Variants in LRRC7 observed in about 807,000 individuals in gnomAD.
The protein encoded by LRRC7 is leucine-rich repeat-containing protein 7.
A neutral mutation model predicts 175.7 loss-of-function variants in LRRC7; 23 were observed. The ratio of observed to expected loss-of-function variants is 0.13; its 90% CI spans 0.09 to 0.19. The LOEUF (loss-of-function observed/expected upper bound fraction) is 0.19, where lower values mean the gene tolerates loss of function less well. Ranked by LOEUF, LRRC7 falls within the 10% of genes least tolerant of loss-of-function variation. The pLI, the probability that LRRC7 is intolerant of heterozygous loss-of-function variation, is 1.00. For missense variants in LRRC7, 1,354 were observed against 1,904.7 expected, an observed-to-expected ratio of 0.71 and a Z score of 5.38; for synonymous variants, 685 against 680.9, an observed-to-expected ratio of 1.01 and a Z score of -0.09.
chr1:69,910,584 A>C (rs890137016), intron 7 of LRRC7, among the ~76,000 whole-genome samples: 12 of 152,128 alleles, frequency 7.9e-5, no homozygotes, highest in African/African-American at 2.9e-4. Flanking sequence ...AGGAGTACCC[A>C]GCCGTGTGAG....
At chr1:69,683,069 A>G (rs1341259327) in intron 2 of LRRC7, among the ~76,000 whole-genome samples, 1 of 152,194 alleles carries the variant, frequency 6.6e-6, no homozygotes, top group Non-Finnish European at 1.5e-5. Flanking sequence ...TCAACAATGC[A>G]ACAAACGCAA....
intron 23 of LRRC7, among the ~76,000 whole-genome samples, chr1:70,072,311 A>G (rs1349618023): frequency 6.6e-6 from 1 of 152,216 alleles, no homozygotes; most frequent in Non-Finnish European, 1.5e-5. Flanking sequence ...AACCCTCTGC[A>G]TGAATAAGTC....
intron 25 of LRRC7, among the ~76,000 whole-genome samples, chr1:70,098,180 G>C (rs10465860): frequency 6.6e-6 from 1 of 152,116 alleles, no homozygotes; most frequent in East Asian, 1.9e-4. Context: ...GGTATCTCAT[G>C]GTGGTTTTGA....
intron 1 of LRRC7, among the ~76,000 whole-genome samples, chr1:69,636,721 C>T (rs1653419042): frequency 6.6e-6 from 1 of 151,852 alleles, no homozygotes; most frequent in Admixed American, 6.6e-5. Context: ...CAAATAAAGA[C>T]CTCAGAGTTG....
Position 69,667,899 on chromosome 1 carries a change from G to A in LRRC7, c.3-10482G>A, listed in dbSNP as rs182556636. Among the ~76,000 whole-genome samples the A allele has an allele frequency of 1.8e-3, 275 of 151,210 alleles. 1 individual carries two copies. Among genetic ancestry groups the A allele is most frequent in the African/African-American group, 6.2e-3 (256 of 41,234 alleles). ...TCTCCTCATTCCTTTCTTCCTTCTC[G>A]TCTTCCTTTTAGTGAAGGTAATTTT... is the stretch of plus-strand genomic sequence containing the variant. On this transcript the variant is annotated intron_variant, in intron 1 of 26. Transcript: ENST00000651989.
chr1:69,705,732 G>C (rs1201025180), intron 2 of LRRC7, among the ~76,000 whole-genome samples: 1 of 152,014 alleles, frequency 6.6e-6, no homozygotes, highest in Non-Finnish European at 1.5e-5. Flanking sequence ...AGCTGGGCTT[G>C]AGAAAAACTC....
intron 7 of LRRC7, among the ~76,000 whole-genome samples, chr1:69,904,059 A>G (rs928285736): frequency 3.3e-5 from 5 of 152,170 alleles, no homozygotes; most frequent in Non-Finnish European, 7.4e-5. Context: ...ATTCACAGCC[A>G]AATTCTACCA....
chr1:70,050,295 C>T (rs1660654500), intron 22 of LRRC7, among the ~76,000 whole-genome samples: 1 of 151,986 alleles, frequency 6.6e-6, no homozygotes, highest in South Asian at 2.1e-4. Flanking sequence ...ATGTTAAATC[C>T]ACAAATACCC....
At chr1:69,673,740 G>A (rs1188966625) in intron 1 of LRRC7, among the ~76,000 whole-genome samples, 3 of 151,996 alleles carry the variant, frequency 2.0e-5, no homozygotes, top group Non-Finnish European at 2.9e-5. Flanking sequence ...GTTTCCAGTG[G>A]GCATCACATA....
At chr1:69,843,593 T>C (rs541782119) in intron 7 of LRRC7, among the ~76,000 whole-genome samples, 27 of 152,240 alleles carry the variant, frequency 1.8e-4, no homozygotes, top group Non-Finnish European at 3.5e-4. Flanking sequence ...ATTAAGTGAT[T>C]TTGCCCCTGA....
At chr1:69,568,711 C>G in intron 1 of LRRC7, 70 bp downstream of exon 1, 1 of 1,198,554 alleles carries the variant, frequency 8.3e-7, no homozygotes, top group South Asian at 1.4e-5. Flanking sequence ...CGTAGGCGCG[C>G]GAGGTGTGGG....
chr1:69,921,840 CA>C (rs1411720411), intron 7 of LRRC7, among the ~76,000 whole-genome samples: 1 of 152,204 alleles, frequency 6.6e-6, no homozygotes, highest in Non-Finnish European at 1.5e-5. Flanking sequence ...GAGATAATCT[CA>C]TGATCTAGTG....
intron 8 of LRRC7, among the ~76,000 whole-genome samples, chr1:69,965,451 T>C (rs961092849): frequency 3.9e-5 from 6 of 152,180 alleles, no homozygotes; most frequent in African/African-American, 1.2e-4. Flanking sequence ...TCATAAGGGC[T>C]TATGGCTTAA....
intron 17 of LRRC7, among the ~76,000 whole-genome samples, chr1:70,027,028 C>T (rs1658186111): frequency 6.6e-6 from 1 of 151,768 alleles, no homozygotes; most frequent in African/African-American, 2.4e-5. Flanking sequence ...TGCGGATGTG[C>T]CCCTCACTCT....
At chr1:69,726,102 A>C (rs547735752) in intron 2 of LRRC7, among the ~76,000 whole-genome samples, 2 of 152,318 alleles carry the variant, frequency 1.3e-5, no homozygotes, top group South Asian at 4.1e-4. Context: ...GTCAAAATAC[A>C]TTCATACACA....
chr1:69,680,048 T>C (rs1487081523), intron 2 of LRRC7, among the ~76,000 whole-genome samples: 1 of 152,112 alleles, frequency 6.6e-6, no homozygotes, highest in African/African-American at 2.4e-5. Context: ...ACCTGGGTCT[T>C]CATAAAAAAT....
intron 26 of LRRC7, among the ~76,000 whole-genome samples, chr1:70,108,740 C>A (rs562269289): frequency 3.3e-5 from 5 of 152,182 alleles, no homozygotes; most frequent in Admixed American, 1.3e-4. Flanking sequence ...GAAGACAAGA[C>A]ATGTGAAAAG....
intron 23 of LRRC7, among the ~76,000 whole-genome samples, chr1:70,057,990 G>C (rs1444245635): frequency 6.6e-6 from 1 of 150,502 alleles, no homozygotes; most frequent in Non-Finnish European, 1.5e-5. Context: ...TTTCTCTCTT[G>C]CTATGCAGTC....
chr1:69,755,399 CA>C (rs1286732638), intron 2 of LRRC7, among the ~76,000 whole-genome samples: 4 of 146,110 alleles, frequency 2.7e-5, no homozygotes, highest in African/African-American at 7.6e-5. Flanking sequence ...TATATATATG[CA>C]AAAGTATATA....
Sources: gnomAD v4.1 joint callset for allele counts (sites outside exome capture counted in the v4.1 genomes callset) on GRCh38, gnomAD v4.1.1 for gene constraint, MANE v1.5 for transcripts, NCBI Gene and HGNC (gene_info 2026-07-23, HGNC 2026-07-21) for gene names.